The following MTUS2 variants were observed in gnomAD, a reference collection of about 807,000 sequenced individuals.
MTUS2 encodes the protein microtubule associated scaffold protein 2, also known as microtubule-associated tumor suppressor candidate 2.
In MTUS2, 40 loss-of-function variants were observed where a neutral mutation model predicts 114.1. That is an observed-to-expected ratio of 0.35 (90% CI 0.27 to 0.46). MTUS2 has a LOEUF of 0.46. Among genes scored for constraint, MTUS2 ranks in the 20% least tolerant of loss-of-function variants. MTUS2 has a pLI of 1.00. For synonymous variants in MTUS2, 688 were observed against 672.0 expected (o/e 1.02, Z -0.37); for missense variants, 1,679 against 1,705.4 (o/e 0.98, Z 0.27).
chr13:29,321,608 T>C (rs1159575665), intron 6 of MTUS2, among the ~76,000 whole-genome samples: 3 of 152,248 alleles, frequency 2.0e-5, no homozygotes, highest in Admixed American at 6.5e-5. Context: ...ACTAGACTTA[T>C]CTGTCCTTAT....
intron 6 of MTUS2, among the ~76,000 whole-genome samples, chr13:29,298,877 G>A (rs1453389696): frequency 6.6e-6 from 1 of 152,178 alleles, no homozygotes; most frequent in African/African-American, 2.4e-5. Flanking sequence ...AAGAGGCAAG[G>A]TCAAAGCAAT....
chr13:29,483,161 C>T (rs1038684107), intron 10 of MTUS2, among the ~76,000 whole-genome samples: 1 of 152,216 alleles, frequency 6.6e-6, no homozygotes, highest in African/African-American at 2.4e-5. Context: ...CCTTCTGGAA[C>T]CTTAAAAATC....
At chr13:29,275,068 C>T (rs552502699) in intron 5 of MTUS2, among the ~76,000 whole-genome samples, 2 of 152,260 alleles carry the variant, frequency 1.3e-5, no homozygotes, top group East Asian at 1.9e-4. Flanking sequence ...TATACCAGAC[C>T]GTTATCAGAT....
At chr13:29,136,520 G>A (rs1019323682) in intron 5 of MTUS2, among the ~76,000 whole-genome samples, 20 of 152,170 alleles carry the variant, frequency 1.3e-4, no homozygotes, top group African/African-American at 4.8e-4. Context: ...GGGGAGAAGG[G>A]CCAAAGGTTG....
intron 8 of MTUS2, among the ~76,000 whole-genome samples, chr13:29,404,548 C>G (rs1478615549): frequency 6.6e-6 from 1 of 152,076 alleles, no homozygotes; most frequent in Non-Finnish European, 1.5e-5. Context: ...TCATCCCTCT[C>G]CACAGATACA....
intron 2 of MTUS2, among the ~76,000 whole-genome samples, chr13:28,995,635 C>G (rs1885066149): frequency 6.6e-6 from 1 of 152,016 alleles, no homozygotes; most frequent in East Asian, 1.9e-4. Context: ...AAGTTGGATT[C>G]CTAGGTATTT....
intron 1 of MTUS2, among the ~76,000 whole-genome samples, chr13:28,838,659 C>T (rs75892529): frequency 0.084 from 12,856 of 152,212 alleles, 741 homozygotes; most frequent in South Asian, 0.2. Flanking sequence ...TGTTAGAGAT[C>T]AGCATGCTCC....
intron 7 of MTUS2, among the ~76,000 whole-genome samples, chr13:29,325,769 T>A (rs1439556730): frequency 1.3e-5 from 2 of 152,186 alleles, no homozygotes; most frequent in Non-Finnish European, 2.9e-5. Context: ...TGATTTAATG[T>A]CCACAAAAAC....
intron 5 of MTUS2, among the ~76,000 whole-genome samples, chr13:29,105,674 C>T (rs981724213): frequency 2.1e-5 from 3 of 141,510 alleles, no homozygotes; most frequent in Non-Finnish European, 4.5e-5. Flanking sequence ...TCCTGGTGCA[C>T]AGAAGTATTC....
At chr13:28,857,148 A>G (rs909685289) in intron 2 of MTUS2, among the ~76,000 whole-genome samples, 1 of 152,222 alleles carries the variant, frequency 6.6e-6, no homozygotes. Flanking sequence ...AGTAGCTATT[A>G]ATACTGTTTC....
At chr13:29,403,114 T>G (rs1874475271) in intron 8 of MTUS2, among the ~76,000 whole-genome samples, 1 of 152,230 alleles carries the variant, frequency 6.6e-6, no homozygotes, top group Admixed American at 6.5e-5. Flanking sequence ...TGCTTCTCAC[T>G]TGTCTTAAGG....
intron 2 of MTUS2, among the ~76,000 whole-genome samples, chr13:28,996,311 TG>T (rs1885101131): frequency 6.6e-6 from 1 of 152,204 alleles, no homozygotes; most frequent in Non-Finnish European, 1.5e-5. Context: ...AGTGTTTTAT[TG>T]GGGATTTTTG....
chr13:29,310,001 A>T (rs1314052735), intron 6 of MTUS2, among the ~76,000 whole-genome samples: 1 of 152,142 alleles, frequency 6.6e-6, no homozygotes, highest in Non-Finnish European at 1.5e-5. Context: ...CCTATCAAAT[A>T]CTAGATCCTA....
intron 8 of MTUS2, among the ~76,000 whole-genome samples, chr13:29,389,187 A>G (rs1872842623): frequency 6.7e-6 from 1 of 150,040 alleles, no homozygotes; most frequent in African/African-American, 2.4e-5. Flanking sequence ...ATATATCTAT[A>G]TATCTATATA....
intron 5 of MTUS2, among the ~76,000 whole-genome samples, chr13:29,170,926 ATGGCGAGGGAGTG>A (rs1383910052): frequency 6.6e-6 from 1 of 152,230 alleles, no homozygotes; most frequent in African/African-American, 2.4e-5. Context: ...CCAGGCTTGA[ATGGCGAGGGAGTG>A]TGGCTTACTA....
intron 5 of MTUS2, among the ~76,000 whole-genome samples, chr13:29,240,963 T>G (rs1024616847): frequency 6.6e-6 from 1 of 152,148 alleles, no homozygotes; most frequent in Non-Finnish European, 1.5e-5. Context: ...AAAAGATGCC[T>G]CATTTCTCCT....
intron 5 of MTUS2, among the ~76,000 whole-genome samples, chr13:29,127,772 C>G (rs1463545909): frequency 6.6e-6 from 1 of 152,242 alleles, no homozygotes; most frequent in Non-Finnish European, 1.5e-5. Flanking sequence ...TAGCTGCTCA[C>G]TGGCAGGAGC....
chr13:29,048,494 A>C (rs564211781), intron 4 of MTUS2, among the ~76,000 whole-genome samples: 1 of 152,024 alleles, frequency 6.6e-6, no homozygotes, highest in Non-Finnish European at 1.5e-5. Context: ...ATTTTTTGAG[A>C]TAGGGTCTCA....
At chr13:28,933,783 C>G (rs1004690403) in intron 2 of MTUS2, among the ~76,000 whole-genome samples, 2 of 152,194 alleles carry the variant, frequency 1.3e-5, no homozygotes, top group African/African-American at 4.8e-5. Flanking sequence ...TAACTAAGGT[C>G]ACACAATTGT....
Sources: allele counts gnomAD v4.1 joint callset (sites outside exome capture counted in the v4.1 genomes callset), GRCh38; gene constraint gnomAD v4.1.1; transcripts MANE v1.5; gene names NCBI Gene and HGNC (gene_info 2026-07-23, HGNC 2026-07-21).